Variants in MS4A8 observed in about 807,000 individuals in gnomAD.
MS4A8 encodes membrane spanning 4-domains A8.
In MS4A8, 27 loss-of-function variants were observed where a neutral mutation model predicts 23.7. That is an observed-to-expected ratio of 1.14 (90% confidence interval 0.84 to 1.57). The LOEUF (loss-of-function observed/expected upper bound fraction) is 1.57. MS4A8 is among the 40% of genes most tolerant of loss of function. MS4A8 has a pLI of 0.00. For missense variants in MS4A8, 301 were observed against 311.4 expected, an observed-to-expected ratio of 0.97 and a Z score of 0.25; for synonymous variants, 138 against 126.3, an observed-to-expected ratio of 1.09 and a Z score of -0.62.
intron 5 of MS4A8, among the ~76,000 whole-genome samples, 164 bp from the exon 6 acceptor site, chr11:60,714,857 A>G (rs972359015): frequency 8.6e-5 from 13 of 151,982 alleles, no homozygotes; most frequent in Non-Finnish European, 1.8e-4. Flanking sequence ...TTACCCCCAT[A>G]CTTGATACTT....
intron 2 of MS4A8, among the ~76,000 whole-genome samples, chr11:60,701,775 C>T (rs2088206855): frequency 1.3e-5 from 2 of 152,218 alleles, no homozygotes; most frequent in South Asian, 2.1e-4. Flanking sequence ...TGAGCTTATT[C>T]ATTGCAGCGT....
rs1358937554 is a variant in MS4A8 at position 60,700,780 on chromosome 11, G to A, written c.-1-80G>A. 5.1e-6 allele frequency: 7 copies of A among 1,376,098 alleles called. No individual in the cohort carries two copies. The African/African-American group carries it at 5.7e-5, about 11-fold the overall frequency. 85.2% of individuals were successfully genotyped at this position (1,376,098 alleles called of 1,614,324 possible). A position where few individuals can be genotyped will look rare whatever the true frequency, so the allele number is the denominator to read the frequency against. ...TTGTAGAGGGTTAAGATGCTCCAAT[G>A]AGCTAGAAGAAGCAAAAGTCCTTTT... On this transcript the variant is annotated intron_variant, in intron 1 of 6. Transcript: ENST00000300226.
At chr11:60,714,692 G>A (rs573586789) in intron 5 of MS4A8, among the ~76,000 whole-genome samples, 1 of 151,878 alleles carries the variant, frequency 6.6e-6, no homozygotes, top group African/African-American at 2.4e-5. Flanking sequence ...CCTACCGACG[G>A]CCTCCCCAGA....
At chr11:60,713,095 G>A (rs1169870415) in intron 5 of MS4A8, among the ~76,000 whole-genome samples, 1 of 152,148 alleles carries the variant, frequency 6.6e-6, no homozygotes, top group African/African-American at 2.4e-5. Context: ...CCAAGCCAGA[G>A]AAACAGCCCC....
chr11:60,713,491 A>G (rs530751995), intron 5 of MS4A8, among the ~76,000 whole-genome samples: 104 of 152,294 alleles, frequency 6.8e-4, no homozygotes, highest in Admixed American at 1.8e-3. Context: ...TGATGTGCAT[A>G]TACATAAACA....
At chr11:60,707,477 G>A (rs192565500) in intron 4 of MS4A8, among the ~76,000 whole-genome samples, 62 of 152,278 alleles carry the variant, frequency 4.1e-4, no homozygotes, top group Admixed American at 6.5e-4. Context: ...TCAGTCACTC[G>A]CTTTCCTAAG....
chr11:60,708,627 C>CGG (rs1262551598), intron 4 of MS4A8, 23 bp from the exon 5 acceptor site: 2 of 1,495,080 alleles, frequency 1.3e-6, no homozygotes, highest in African/African-American at 2.9e-5. Flanking sequence ...CTCGCCCATC[C>CGG]TGACCCTCTG....
chr11:60,712,492 A>G (rs1418384900), intron 5 of MS4A8: 1 of 985,176 alleles, frequency 1.0e-6, no homozygotes, highest in African/African-American at 1.7e-5. Flanking sequence ...GTTTTTAAAA[A>G]TCATAATTGA....
intron 5 of MS4A8, chr11:60,712,610 A>T: frequency 2.1e-6 from 1 of 480,734 alleles, no homozygotes. Flanking sequence ...CCTGGGCAAC[A>T]TGGCGAAATC....
At chr11:60,714,817 T>A (rs2088328378) in intron 5 of MS4A8, among the ~76,000 whole-genome samples, 1 of 152,124 alleles carries the variant, frequency 6.6e-6, no homozygotes, top group Non-Finnish European at 1.5e-5. Context: ...AGAGGAACAC[T>A]ACCAAGTAAA....
intron 2 of MS4A8, among the ~76,000 whole-genome samples, chr11:60,701,973 T>C (rs973983948): frequency 6.6e-6 from 1 of 152,152 alleles, no homozygotes; most frequent in Non-Finnish European, 1.5e-5. Flanking sequence ...ATGGAGTTAA[T>C]GGAAGAAAGT....
intron 5 of MS4A8, among the ~76,000 whole-genome samples, chr11:60,710,171 T>C (rs563492221): frequency 3.9e-5 from 6 of 152,372 alleles, no homozygotes; most frequent in Non-Finnish European, 8.8e-5. Flanking sequence ...TCTGGTTTTC[T>C]TTCTGTACTC....
chr11:60,711,714 G>A, intron 5 of MS4A8: 1 of 430,890 alleles, frequency 2.3e-6, no homozygotes, highest in Non-Finnish European at 4.6e-6. Flanking sequence ...GGAACTAAGG[G>A]AAAGGAAGAT....
chr11:60,703,219 G>A (rs372269043), intron 2 of MS4A8, 159 bp from the exon 3 acceptor site: 93 of 793,616 alleles, frequency 1.2e-4, no homozygotes, highest in African/African-American at 6.6e-4. Flanking sequence ...TTCTCCAGGC[G>A]GAGGGGAGAT....
rs546532777 is a variant in MS4A8, at chr11:60,703,530, G to A, written c.342+30G>A. Reference sequence around the variant, plus strand: ...GTAACTCAAGTCCTCCTGCCGATGAGCTCCCAGAAGGTGCCAAGGCACTCA... The same window carrying A: ...GTAACTCAAGTCCTCCTGCCGATGAACTCCCAGAAGGTGCCAAGGCACTCA... On this transcript the variant is annotated intron_variant, in intron 3 of 6. Transcript: ENST00000300226. The A allele has an allele frequency of 1.0e-4, 161 of 1,602,852 alleles. 1 individual carries two copies. In the South Asian group the frequency reaches 1.5e-3, roughly 15 times the overall value.
intron 5 of MS4A8, among the ~76,000 whole-genome samples, chr11:60,713,586 A>C (rs1374565525): frequency 3.9e-5 from 6 of 152,132 alleles, no homozygotes; most frequent in Non-Finnish European, 7.4e-5. Flanking sequence ...AGTAAATGGA[A>C]TATACAATGG....
chr11:60,706,458 G>A (rs1309818272), intron 3 of MS4A8, among the ~76,000 whole-genome samples: 1 of 152,160 alleles, frequency 6.6e-6, no homozygotes, highest in African/African-American at 2.4e-5. Context: ...ATTGATGTCA[G>A]GCTTCTATCT....
intron 5 of MS4A8, chr11:60,711,932 C>T (rs772822849): frequency 2.2e-5 from 9 of 412,036 alleles, no homozygotes; most frequent in Non-Finnish European, 4.4e-5. Flanking sequence ...GGTCGGACTG[C>T]ATCTGAGCTT....
At chr11:60,707,847 T>A (rs1344514627) in intron 4 of MS4A8, among the ~76,000 whole-genome samples, 3 of 131,910 alleles carry the variant, frequency 2.3e-5, no homozygotes, top group Non-Finnish European at 3.1e-5. Flanking sequence ...TGTGTGTGTG[T>A]GAGACAGAGT....
Sources: gnomAD v4.1 joint callset for allele counts (sites outside exome capture counted in the v4.1 genomes callset) on GRCh38, gnomAD v4.1.1 for gene constraint, MANE v1.5 for transcripts, NCBI Gene and HGNC (gene_info 2026-07-23, HGNC 2026-07-21) for gene names.